The following ZMYND8 variants were observed in gnomAD, a reference collection of about 807,000 sequenced individuals.
The protein encoded by ZMYND8 is zinc finger MYND-type containing 8.
In ZMYND8, 37 loss-of-function variants were observed where a neutral mutation model predicts 140.8. That is an observed-to-expected ratio of 0.26 (90% CI 0.20 to 0.35). The LOEUF (loss-of-function observed/expected upper bound fraction) is 0.35, where lower values mean the gene tolerates loss of function less well. ZMYND8 is among the 10% of genes least tolerant of loss of function. The pLI, the probability that ZMYND8 is intolerant of heterozygous loss-of-function variation, is 1.00. For missense variants in ZMYND8, 1,068 were observed against 1,570.0 expected (o/e 0.68, Z 5.40); for synonymous variants, 592 against 597.1 (o/e 0.99, Z 0.12).
intron 2 of ZMYND8, among the ~76,000 whole-genome samples, chr20:47,337,794 A>G (rs1315272098): frequency 1.3e-5 from 2 of 152,180 alleles, no homozygotes; most frequent in Admixed American, 1.3e-4. Context: ...GACATCTTGA[A>G]AGCTCGAAAG....
At chr20:47,226,238 G>C (rs551450750) in intron 18 of ZMYND8, among the ~76,000 whole-genome samples, 2 of 152,210 alleles carry the variant, frequency 1.3e-5, no homozygotes, top group African/African-American at 4.8e-5. Flanking sequence ...TCTCCAGGGG[G>C]CTCTGAAAGG....
At chr20:47,213,278 T>C (rs2035551328) in intron 21 of ZMYND8, among the ~76,000 whole-genome samples, 1 of 152,068 alleles carries the variant, frequency 6.6e-6, no homozygotes, top group Admixed American at 6.6e-5. Flanking sequence ...AAATCACCTC[T>C]GAAATCAGAG....
intron 2 of ZMYND8, among the ~76,000 whole-genome samples, chr20:47,343,775 G>GC (rs1305685644): frequency 2.0e-5 from 3 of 152,078 alleles, no homozygotes; most frequent in Non-Finnish European, 2.9e-5. Context: ...GGGATTACAG[G>GC]CATGAGCCAC....
intron 3 of ZMYND8, among the ~76,000 whole-genome samples, chr20:47,308,385 A>C (rs151075989): frequency 0.025 from 3,762 of 151,290 alleles, 98 homozygotes; most frequent in South Asian, 0.11. Flanking sequence ...CGCCCGGCTA[A>C]TTTTTTGTAT....
Position 47,262,385 on chromosome 20 carries a change from G to T in ZMYND8, c.1524C>A (p.Ser508=). 1 of 1,614,010 alleles carries T rather than the reference G, an allele frequency of 6.2e-7. No individual in the cohort carries two copies. Among genetic ancestry groups the T allele is most frequent in the Non-Finnish European group, 8.5e-7 (1 of 1,180,006 alleles). The change falls in exon 12 of 23, where the codon TCC becomes TCA. Residue 508 remains serine (S), a synonymous_variant. Coordinates refer to ENST00000471951, the MANE Select transcript of ZMYND8 (RefSeq NM_001281775.3). ...STKTGQAGSL[S]GSPKPFSPQL... ...GAGGAGAGAAGGGCTTTGGGCTGCC[G>T]GATAAACTCCCTGCTTGTCCCGTCT... is the stretch of plus-strand genomic sequence containing the variant.
intron 12 of ZMYND8, among the ~76,000 whole-genome samples, chr20:47,252,358 C>T (rs954640285): frequency 1.0e-4 from 15 of 143,348 alleles, no homozygotes. Context: ...AAGGACTTAA[C>T]AGCTGAGTTG....
intron 2 of ZMYND8, among the ~76,000 whole-genome samples, chr20:47,339,494 T>G (rs1364489113): frequency 6.6e-6 from 1 of 152,062 alleles, no homozygotes; most frequent in Non-Finnish European, 1.5e-5. Flanking sequence ...CATTCTTTTT[T>G]GAGACGGAGT....
intron 21 of ZMYND8, among the ~76,000 whole-genome samples, chr20:47,216,173 C>T (rs2036070510): frequency 6.6e-6 from 1 of 151,966 alleles, no homozygotes; most frequent in African/African-American, 2.4e-5. Context: ...CGATGGAATC[C>T]TGATAAAAAC....
intron 2 of ZMYND8, among the ~76,000 whole-genome samples, chr20:47,340,663 G>C (rs1384521930): frequency 6.6e-6 from 1 of 151,594 alleles, no homozygotes; most frequent in East Asian, 1.9e-4. Flanking sequence ...GTGTGGCGGC[G>C]TATGCCCCAG....
intron 12 of ZMYND8, among the ~76,000 whole-genome samples, chr20:47,257,542 T>C (rs1181590726): frequency 6.6e-6 from 1 of 151,754 alleles, no homozygotes; most frequent in Non-Finnish European, 1.5e-5. Context: ...ATACCCAATA[T>C]ACAAACATAC....
At position 47,246,474 on chromosome 20, in the gene ZMYND8, G is replaced by A. The variant is rs1433297905; in HGVS notation, c.1818C>T (p.His606=). ...ACTTCTCAGAATCCTCCGAATCGCTGTGCTCTACGGCCGTATAGACATCTT... is the reference window on the plus strand; with the variant it reads ...ACTTCTCAGAATCCTCCGAATCGCTATGCTCTACGGCCGTATAGACATCTT... ...ISEDVYTAVE[H]SDSEDSEKSD... is the part of the protein sequence containing the mutation. Residue 606 remains histidine, a synonymous_variant, in exon 14 of 23, where the codon CAC becomes CAT. Transcript: ENST00000471951. 3.7e-6 allele frequency: 6 copies of A among 1,613,000 alleles called. No individual in the cohort carries two copies. In the South Asian group the frequency reaches 4.4e-5, roughly 12 times the overall value.
At chr20:47,283,258 C>A (rs1308957894) in intron 9 of ZMYND8, among the ~76,000 whole-genome samples, 1 of 152,172 alleles carries the variant, frequency 6.6e-6, no homozygotes, top group East Asian at 1.9e-4. Flanking sequence ...CTGATTTAAG[C>A]TCATCTTATT....
chr20:47,279,326 C>T (rs1255215676), intron 10 of ZMYND8, among the ~76,000 whole-genome samples: 4 of 151,814 alleles, frequency 2.6e-5, no homozygotes, highest in Non-Finnish European at 4.4e-5. Context: ...AAAAATTAGC[C>T]GGATGTGGTG....
intron 14 of ZMYND8, among the ~76,000 whole-genome samples, chr20:47,243,995 T>C (rs953956702): frequency 2.0e-5 from 3 of 152,214 alleles, no homozygotes; most frequent in African/African-American, 2.4e-5. Context: ...CCCTCCCTTA[T>C]GTAACTGTAT....
rs367757125 is a variant in ZMYND8 at position 47,255,689 on chromosome 20, GTATA to G, written c.1622-6254_1622-6251del. Among the ~76,000 whole-genome samples the G allele has an allele frequency of 6.8e-5, 7 of 103,170 alleles. No individual in the cohort carries two copies. The East Asian group carries it at 7.9e-4, about 12-fold the overall frequency. 67.7% of individuals were successfully genotyped at this position (103,170 alleles called of 152,430 possible). ...ATGTATATGGTGTATGTGTGTGTGT[GTATA>G]TATATATATATATATACCGTGTATG... is the stretch of plus-strand genomic sequence containing the variant. On this transcript the variant is annotated intron_variant, in intron 12 of 22. Coordinates refer to ENST00000471951, the MANE Select transcript of ZMYND8 (RefSeq NM_001281775.3).
chr20:47,302,118 G>A (rs1181559993), intron 3 of ZMYND8, among the ~76,000 whole-genome samples: 8 of 152,068 alleles, frequency 5.3e-5, no homozygotes, highest in African/African-American at 1.4e-4. Flanking sequence ...ACCCAGTCTC[G>A]GGTATGTCTT....
chr20:47,310,321 G>A (rs556370489), intron 2 of ZMYND8, 117 bp from the exon 3 acceptor site: 17 of 1,251,666 alleles, frequency 1.4e-5, no homozygotes, highest in Middle Eastern at 2.9e-4. Context: ...CCCAACTCCC[G>A]AAGCCACTTC....
intron 2 of ZMYND8, among the ~76,000 whole-genome samples, chr20:47,323,218 G>C (rs1170861393): frequency 1.1e-4 from 17 of 152,128 alleles, no homozygotes; most frequent in Admixed American, 1.1e-3. Flanking sequence ...CAATAACCGA[G>C]AAATTTCAAA....
intron 3 of ZMYND8, among the ~76,000 whole-genome samples, chr20:47,309,431 G>A (rs558442465): frequency 1.1e-4 from 16 of 151,940 alleles, no homozygotes; most frequent in South Asian, 2.1e-4. Flanking sequence ...TCGGCCTCCC[G>A]AGTAGCTGGG....
Sources: gnomAD v4.1 joint callset for allele counts (sites outside exome capture counted in the v4.1 genomes callset) on GRCh38, gnomAD v4.1.1 for gene constraint, MANE v1.5 for transcripts, NCBI Gene and HGNC (gene_info 2026-07-23, HGNC 2026-07-21) for gene names.